ZBTB20: variants seen among roughly 807,000 people sequenced by gnomAD.
ZBTB20 encodes the protein zinc finger and BTB domain containing 20.
In ZBTB20, 9 loss-of-function variants were observed where a neutral mutation model predicts 56.9. That is an observed-to-expected ratio of 0.16 (90% CI 0.10 to 0.28). The LOEUF (loss-of-function observed/expected upper bound fraction) is 0.28. ZBTB20 is among the 10% of genes least tolerant of loss of function. The probability of loss-of-function intolerance (pLI) is 1.00; values close to 1 mark genes in which losing one functional copy is unlikely to be tolerated. For synonymous variants in ZBTB20, 417 were observed against 420.7 expected, an observed-to-expected ratio of 0.99 and a Z score of 0.11; for missense variants, 655 against 1,003.0, an observed-to-expected ratio of 0.65 and a Z score of 4.69.
At chr3:114,584,521 T>A (rs1354365532) in intron 6 of ZBTB20, among the ~76,000 whole-genome samples, 2 of 150,806 alleles carry the variant, frequency 1.3e-5, no homozygotes, top group Non-Finnish European at 2.9e-5. Context: ...TATCCCTAAC[T>A]CTGTTAAAAA....
At chr3:114,635,034 C>A (rs1436018429) in intron 6 of ZBTB20, among the ~76,000 whole-genome samples, 1 of 152,158 alleles carries the variant, frequency 6.6e-6, no homozygotes, top group East Asian at 1.9e-4. Context: ...TGAAGGGGGC[C>A]TTATTCTCAG....
intron 3 of ZBTB20, among the ~76,000 whole-genome samples, chr3:114,936,253 G>A (rs1386736623): frequency 6.6e-6 from 1 of 152,104 alleles, no homozygotes; most frequent in Non-Finnish European, 1.5e-5. Flanking sequence ...TACACACACT[G>A]ATGCATGCAC....
At chr3:114,573,477 G>T (rs1344980022) in intron 6 of ZBTB20, among the ~76,000 whole-genome samples, 1 of 119,962 alleles carries the variant, frequency 8.3e-6, no homozygotes, top group Admixed American at 8.4e-5. Flanking sequence ...AAAAAAAAAA[G>T]AAAGAAAGAC....
At position 114,350,983 on chromosome 3, in the gene ZBTB20, G is replaced by C. The variant is rs771522006; in HGVS notation, c.1095C>G (p.Gly365=). ...TTTCACCTTTGGGCTCACTCTCGGT[G>C]CCCTCGGCCTGGTCTGTGTCTTCCG... ...ECTEDTDQAE[G]TESEPKGESF... is the part of the protein sequence containing the mutation. The change falls in exon 11 of 12, where the codon GGC becomes GGG. Residue 365 remains glycine, a synonymous_variant. Coordinates refer to ENST00000675478, the MANE Select transcript of ZBTB20 (RefSeq NM_001348800.3). 9 of 1,608,752 alleles carry C rather than the reference G, an allele frequency of 5.6e-6. No individual in the cohort carries two copies. In the Admixed American group the frequency reaches 1.3e-4, roughly 24 times the overall value.
chr3:114,436,926 T>C (rs2090558013), intron 7 of ZBTB20, among the ~76,000 whole-genome samples: 1 of 152,094 alleles, frequency 6.6e-6, no homozygotes, highest in Non-Finnish European at 1.5e-5. Context: ...AGAAGAAAAG[T>C]CCCCTTGCTA....
Position 114,640,162 on chromosome 3 carries a change from A to C in ZBTB20, c.-295+53366T>G, listed in dbSNP as rs113597791. Among the ~76,000 whole-genome samples the C allele has an allele frequency of 3.2e-4, 49 of 152,120 alleles. 1 individual carries two copies. The highest frequency in any genetic ancestry group is 1.2e-3 in the African/African-American group (48 of 41,526). ...ATCACTTAGACCTCTATGAAGGTTG[A>C]CTCAGGTTTACTGGGGGATATTGCA... On this transcript the variant is annotated intron_variant, in intron 6 of 11. Transcript: ENST00000675478.
At chr3:114,340,504 C>T (rs1163672630) in intron 11 of ZBTB20, among the ~76,000 whole-genome samples, 1 of 152,150 alleles carries the variant, frequency 6.6e-6, no homozygotes, top group Non-Finnish European at 1.5e-5. Flanking sequence ...GGCTTAGAAA[C>T]CAAATGATCA....
At chr3:114,415,576 T>G (rs950009425) in intron 7 of ZBTB20, among the ~76,000 whole-genome samples, 3 of 152,136 alleles carry the variant, frequency 2.0e-5, no homozygotes, top group Non-Finnish European at 4.4e-5. Flanking sequence ...AGATTCAGTT[T>G]TCATATAAAT....
intron 5 of ZBTB20, among the ~76,000 whole-genome samples, chr3:114,719,686 C>T (rs1304742772): frequency 6.6e-6 from 1 of 152,024 alleles, no homozygotes; most frequent in Non-Finnish European, 1.5e-5. Context: ...TTTTCTGTAC[C>T]GGAATTGCTG....
chr3:114,901,756 G>T (rs1052549638), intron 3 of ZBTB20, among the ~76,000 whole-genome samples: 37 of 152,098 alleles, frequency 2.4e-4, no homozygotes, highest in African/African-American at 8.7e-4. Context: ...ATAGTATTAT[G>T]ATGCTAAAAT....
chr3:114,687,609 T>TAAAAAA (rs201910158), intron 6 of ZBTB20: 1 of 105,442 alleles, frequency 9.5e-6, no homozygotes, highest in African/African-American at 3.4e-5. Flanking sequence ...AGTTGAAAGG[T>TAAAAAA]AAAAAAAAAA....
chr3:114,644,769 G>A (rs1476482917), intron 6 of ZBTB20, among the ~76,000 whole-genome samples: 1 of 152,012 alleles, frequency 6.6e-6, no homozygotes, highest in Non-Finnish European at 1.5e-5. Flanking sequence ...ATCTGCATAT[G>A]CACCCTCTGT....
At chr3:114,896,433 C>A (rs2074881705) in intron 4 of ZBTB20, among the ~76,000 whole-genome samples, 2 of 151,984 alleles carry the variant, frequency 1.3e-5, no homozygotes, top group South Asian at 4.2e-4. Flanking sequence ...ACAAGGAAAT[C>A]CTGACATGTA....
intron 4 of ZBTB20, among the ~76,000 whole-genome samples, chr3:114,826,069 T>A (rs2073508433): frequency 6.6e-6 from 1 of 151,730 alleles, no homozygotes. Context: ...TTCTGTAATT[T>A]TGCCTTTAGT....
intron 5 of ZBTB20, among the ~76,000 whole-genome samples, chr3:114,731,244 C>T (rs1210116565): frequency 6.6e-6 from 1 of 152,154 alleles, no homozygotes; most frequent in East Asian, 1.9e-4. Context: ...CAGTTCCCTA[C>T]CATTCTGGCC....
At chr3:114,395,265 T>C in intron 7 of ZBTB20, among the ~76,000 whole-genome samples, 1 of 152,038 alleles carries the variant, frequency 6.6e-6, no homozygotes, top group South Asian at 2.1e-4. Context: ...GAGAGGTCAT[T>C]GTGGGGAATA....
intron 7 of ZBTB20, among the ~76,000 whole-genome samples, chr3:114,477,910 CTTCT>C (rs1368943372): frequency 7.1e-5 from 9 of 126,488 alleles, no homozygotes; most frequent in East Asian, 2.2e-4. Flanking sequence ...TTCTTCTTTC[CTTCT>C]TTCTTTCTTT....
At chr3:114,724,607 G>T (rs545499166) in intron 5 of ZBTB20, among the ~76,000 whole-genome samples, 1 of 152,050 alleles carries the variant, frequency 6.6e-6, no homozygotes, top group South Asian at 2.1e-4. Flanking sequence ...TTAAAATGCG[G>T]CCCAGAATAT....
At chr3:114,550,664 C>T (rs2050461637) in intron 6 of ZBTB20, among the ~76,000 whole-genome samples, 2 of 152,118 alleles carry the variant, frequency 1.3e-5, no homozygotes, top group African/African-American at 4.8e-5. Flanking sequence ...TGGTTCCATT[C>T]TTGATCTCTT....
Sources: allele counts gnomAD v4.1 joint callset (sites outside exome capture counted in the v4.1 genomes callset), GRCh38; gene constraint gnomAD v4.1.1; transcripts MANE v1.5; gene names NCBI Gene and HGNC (gene_info 2026-07-23, HGNC 2026-07-21).